The following PLA2G4E variants were observed in gnomAD, a reference collection of about 807,000 sequenced individuals.
PLA2G4E encodes cytosolic phospholipase A2 epsilon.
PLA2G4E carries 84 observed loss-of-function variants against 109.1 expected under a neutral mutation model. That is an observed-to-expected ratio of 0.77 (90% CI 0.65 to 0.92). PLA2G4E has a LOEUF of 0.92. PLA2G4E is among the 40% of genes least tolerant of loss of function. PLA2G4E has a pLI of 0.00. For synonymous variants in PLA2G4E, 469 were observed against 436.1 expected, an observed-to-expected ratio of 1.08 and a Z score of -0.94; for missense variants, 1,057 against 1,076.6, an observed-to-expected ratio of 0.98 and a Z score of 0.25.
intron 1 of PLA2G4E, among the ~76,000 whole-genome samples, chr15:42,049,378 C>T (rs1251287303): frequency 2.6e-5 from 4 of 152,184 alleles, no homozygotes; most frequent in Admixed American, 1.3e-4. Flanking sequence ...ATGCGGGCAG[C>T]GGCCTCATGA....
intron 1 of PLA2G4E, among the ~76,000 whole-genome samples, chr15:42,017,664 C>T (rs2068609353): frequency 6.6e-6 from 1 of 152,144 alleles, no homozygotes; most frequent in African/African-American, 2.4e-5. Context: ...TGCTTGCCTT[C>T]ATCTCCTCTT....
chr15:41,985,906 A>T, exon 18 of PLA2G4E: 1 of 1,609,372 alleles, frequency 6.2e-7, no homozygotes, highest in Non-Finnish European at 8.5e-7. Flanking sequence ...TGGCCTGAGG[A>T]GGGGCGGGTA....
chr15:42,049,371 C>A (rs191135797), intron 1 of PLA2G4E, among the ~76,000 whole-genome samples: 143 of 152,310 alleles, frequency 9.4e-4, no homozygotes, highest in Admixed American at 2.7e-3. Context: ...TTCATCCATG[C>A]GGGCAGCGGC....
intron 17 of PLA2G4E, chr15:41,986,909 C>T (rs1407272713): frequency 2.0e-6 from 1 of 500,938 alleles, no homozygotes; most frequent in Non-Finnish European, 3.6e-6. Flanking sequence ...CAACTTCTAC[C>T]TGCTAGGACT....
intron 17 of PLA2G4E, among the ~76,000 whole-genome samples, chr15:41,986,258 C>A (rs62004269): frequency 2.6e-5 from 4 of 152,190 alleles, no homozygotes; most frequent in Non-Finnish European, 5.9e-5. Flanking sequence ...ATAGTGTAAA[C>A]CCTGGGCCCT....
At chr15:41,991,676 G>A (rs922054262) in intron 13 of PLA2G4E, among the ~76,000 whole-genome samples, 12 of 152,266 alleles carry the variant, frequency 7.9e-5, no homozygotes, top group African/African-American at 2.6e-4. Context: ...ATGAGGGTCC[G>A]GTCATTCTCA....
exon 12 of PLA2G4E, chr15:41,995,452 G>T (rs1449440688): frequency 1.2e-6 from 2 of 1,613,874 alleles, no homozygotes; most frequent in Admixed American, 1.7e-5. Flanking sequence ...TGGAGGTCAT[G>T]GATCTTGTTC....
intron 2 of PLA2G4E, among the ~76,000 whole-genome samples, chr15:42,011,116 G>A (rs766365742): frequency 2.2e-5 from 3 of 134,820 alleles, no homozygotes; most frequent in South Asian, 3.0e-4. Flanking sequence ...TGTGCCTTCC[G>A]CCTTGTTCTT....
intron 5 of PLA2G4E, 74 bp downstream of exon 5, chr15:42,004,864 C>A (rs2068458484): frequency 1.3e-6 from 2 of 1,555,980 alleles, no homozygotes. Flanking sequence ...GCCGACCTGC[C>A]TCTGAAATGC....
chr15:41,994,251 G>C (rs1238952099), intron 12 of PLA2G4E, among the ~76,000 whole-genome samples: 1 of 152,260 alleles, frequency 6.6e-6, no homozygotes, highest in Non-Finnish European at 1.5e-5. Flanking sequence ...CCAGTGCTTA[G>C]CAAGAGGCAA....
chr15:42,044,916 G>A (rs1266577800), intron 1 of PLA2G4E, among the ~76,000 whole-genome samples: 1 of 152,152 alleles, frequency 6.6e-6, no homozygotes, highest in Non-Finnish European at 1.5e-5. Context: ...TTGGGCCCGG[G>A]TAGGGGGCAG....
chr15:42,042,989 G>T (rs1005595594), intron 1 of PLA2G4E, among the ~76,000 whole-genome samples: 2 of 152,220 alleles, frequency 1.3e-5, no homozygotes, highest in Non-Finnish European at 2.9e-5. Flanking sequence ...TTCTGAGTGG[G>T]TAGATTTGAC....
At chr15:41,983,741 G>A (rs2068094622) in exon 20 of PLA2G4E, 2 of 1,567,246 alleles carry the variant, frequency 1.3e-6, no homozygotes, top group South Asian at 2.3e-5. Context: ...GAACAGGGGA[G>A]GCTCCCTGGG....
chr15:41,992,785 G>C, exon 13 of PLA2G4E: 1 of 1,613,308 alleles, frequency 6.2e-7, no homozygotes, highest in Non-Finnish European at 8.5e-7. Context: ...AGTCTGTAAA[G>C]GTGACCCTGT....
At chr15:42,042,126 C>A (rs1005032901) in intron 1 of PLA2G4E, among the ~76,000 whole-genome samples, 1 of 152,070 alleles carries the variant, frequency 6.6e-6, no homozygotes, top group Non-Finnish European at 1.5e-5. Flanking sequence ...TTGGAAACAA[C>A]CTAGATGATA....
intron 1 of PLA2G4E, among the ~76,000 whole-genome samples, chr15:42,014,764 C>T (rs995089779): frequency 6.6e-6 from 1 of 152,202 alleles, no homozygotes; most frequent in Non-Finnish European, 1.5e-5. Context: ...CTCTCCACTC[C>T]ACTGTTTCTC....
chr15:42,000,186 T>G (rs777332653), exon 8 of PLA2G4E: 1 of 1,595,030 alleles, frequency 6.3e-7, no homozygotes, highest in Non-Finnish European at 8.5e-7. Context: ...GGCAGCGGTT[T>G]GGAAGCAGGC....
At chr15:42,013,154 A>G (rs1232283703) in intron 2 of PLA2G4E, among the ~76,000 whole-genome samples, 1 of 152,190 alleles carries the variant, frequency 6.6e-6, no homozygotes, top group South Asian at 2.1e-4. Flanking sequence ...CCATGGGCTG[A>G]ACTGTAGAAC....
chr15:41,994,303 C>CAG (rs1555385641), intron 12 of PLA2G4E, among the ~76,000 whole-genome samples: 1 of 151,944 alleles, frequency 6.6e-6, no homozygotes, highest in East Asian at 1.9e-4. Flanking sequence ...CTCTGCCCCC[C>CAG]GGGGGGGTGT....
Sources: allele counts gnomAD v4.1 joint callset (sites outside exome capture counted in the v4.1 genomes callset), GRCh38; gene constraint gnomAD v4.1.1; transcripts MANE v1.5; gene names NCBI Gene and HGNC (gene_info 2026-07-23, HGNC 2026-07-21).